Variants in MAD1L1 observed in about 807,000 individuals in gnomAD.
MAD1L1 encodes mitotic spindle assembly checkpoint protein MAD1.
Under a neutral mutation model 96.9 loss-of-function variants are expected in MAD1L1, and 95 were observed. That is an observed-to-expected ratio of 0.98 (90% CI 0.83 to 1.16). The LOEUF is 1.16. MAD1L1 is among the 50% of genes most tolerant of loss of function. The pLI is 0.00. For synonymous variants in MAD1L1, 473 were observed against 396.6 expected, an observed-to-expected ratio of 1.19 and a Z score of -2.29; for missense variants, 1,007 against 954.4, an observed-to-expected ratio of 1.06 and a Z score of -0.73.
intron 11 of MAD1L1, among the ~76,000 whole-genome samples, chr7:2,109,992 G>GA (rs3217101): frequency 0.088 from 13,378 of 152,324 alleles, 1,318 homozygotes; most frequent in African/African-American, 0.24. Flanking sequence ...GCACAGTTGT[G>GA]AGAGTGCAGA....
intron 18 of MAD1L1, among the ~76,000 whole-genome samples, chr7:1,839,964 C>T (rs907519370): frequency 3.9e-5 from 6 of 152,212 alleles, no homozygotes; most frequent in Admixed American, 1.3e-4. Flanking sequence ...TGCTGGAAGA[C>T]GTGCCCAGGC....
At chr7:2,098,789 G>A (rs573811419) in intron 11 of MAD1L1, among the ~76,000 whole-genome samples, 74 of 152,276 alleles carry the variant, frequency 4.9e-4, no homozygotes, top group African/African-American at 1.5e-3. Context: ...CACACCACAC[G>A]CCAGGCATCA....
chr7:1,839,461 G>T (rs1277229705), intron 18 of MAD1L1, among the ~76,000 whole-genome samples: 1 of 151,930 alleles, frequency 6.6e-6, no homozygotes, highest in East Asian at 2.0e-4. Flanking sequence ...GACAAGCTGG[G>T]CCTGGGGCGG....
At chr7:2,017,767 C>T (rs997425805) in intron 12 of MAD1L1, among the ~76,000 whole-genome samples, 28 of 152,162 alleles carry the variant, frequency 1.8e-4, no homozygotes, top group African/African-American at 4.8e-5. Flanking sequence ...CCAAGCATGC[C>T]GATGATTCCC....
intron 12 of MAD1L1, among the ~76,000 whole-genome samples, chr7:2,060,510 C>T (rs184597458): frequency 8.6e-5 from 13 of 151,912 alleles, no homozygotes; most frequent in East Asian, 5.8e-4. Flanking sequence ...ACCGAGATAA[C>T]GCTAATGTCG....
chr7:2,066,479 T>C (rs1393808753), intron 12 of MAD1L1, among the ~76,000 whole-genome samples: 4 of 152,212 alleles, frequency 2.6e-5, no homozygotes, highest in Non-Finnish European at 5.9e-5. Context: ...TGCCCGGCGA[T>C]CAATACCCAC....
chr7:2,095,643 TG>T (rs1562682120), intron 11 of MAD1L1, among the ~76,000 whole-genome samples: 1 of 151,858 alleles, frequency 6.6e-6, no homozygotes, highest in African/African-American at 2.4e-5. Flanking sequence ...CTGGGCAGGG[TG>T]GGGCGAGGCA....
At chr7:1,897,018 G>A (rs1786918250) in intron 18 of MAD1L1, among the ~76,000 whole-genome samples, 1 of 152,244 alleles carries the variant, frequency 6.6e-6, no homozygotes, top group Non-Finnish European at 1.5e-5. Context: ...AAAGGTTTGA[G>A]AGTTTCAAGA....
intron 18 of MAD1L1, among the ~76,000 whole-genome samples, chr7:1,839,989 G>C (rs931851202): frequency 6.6e-6 from 1 of 152,188 alleles, no homozygotes; most frequent in Non-Finnish European, 1.5e-5. Context: ...CAGGACCCCC[G>C]CATTACTGCT....
intron 18 of MAD1L1, among the ~76,000 whole-genome samples, chr7:1,822,318 A>G (rs1782167322): frequency 6.6e-6 from 1 of 151,980 alleles, no homozygotes; most frequent in African/African-American, 2.4e-5. Flanking sequence ...AAAGGAATAA[A>G]AAGAATGTTT....
At chr7:1,888,061 G>A (rs533416822) in intron 18 of MAD1L1, among the ~76,000 whole-genome samples, 6 of 149,148 alleles carry the variant, frequency 4.0e-5, no homozygotes, top group Non-Finnish European at 5.9e-5. Flanking sequence ...GCCTTCATCC[G>A]TGTGGGTGGC....
chr7:1,975,936 G>T (rs764554267), intron 15 of MAD1L1, among the ~76,000 whole-genome samples: 1 of 152,220 alleles, frequency 6.6e-6, no homozygotes, highest in East Asian at 1.9e-4. Context: ...TGAATCTACA[G>T]GCAACATTTA....
chr7:1,855,087 C>CGG, intron 18 of MAD1L1, among the ~76,000 whole-genome samples: 1 of 152,302 alleles, frequency 6.6e-6, no homozygotes, highest in Non-Finnish European at 1.5e-5. Flanking sequence ...CCTTCAGGGT[C>CGG]ACCCTTCCTC....
intron 16 of MAD1L1, among the ~76,000 whole-genome samples, chr7:1,956,051 C>T (rs1307367059): frequency 6.6e-6 from 1 of 152,046 alleles, no homozygotes; most frequent in East Asian, 1.9e-4. Context: ...CAAGCAGGGG[C>T]CTAGTATATC....
intron 16 of MAD1L1, among the ~76,000 whole-genome samples, chr7:1,956,011 C>T (rs980630635): frequency 2.0e-5 from 3 of 151,442 alleles, no homozygotes; most frequent in Admixed American, 6.6e-5. Context: ...CAGGGGGGAG[C>T]GGGAGGCCGA....
chr7:1,904,512 T>C (rs1338256018), intron 17 of MAD1L1, among the ~76,000 whole-genome samples: 2 of 131,166 alleles, frequency 1.5e-5, no homozygotes, highest in Admixed American at 7.2e-5. Flanking sequence ...GAAGATGCTC[T>C]TGCGGAACTC....
Position 1,899,825 on chromosome 7 carries a change from C to T in MAD1L1, c.1808-1435G>A, listed in dbSNP as rs180731549. Among the ~76,000 whole-genome samples the T allele has an allele frequency of 3.8e-3, 584 of 152,286 alleles. 2 individuals carry two copies. The highest frequency in any genetic ancestry group is 0.013 in the African/African-American group (560 of 41,566). ...GCCAGTTTAAGGTGGACGATGCAGT[C>T]CAGGTTGCTTCCTGGAGGTGAGCAG... On this transcript the variant is annotated intron_variant, in intron 17 of 18. Transcript: ENST00000265854.
intron 12 of MAD1L1, 61 bp downstream of exon 12, chr7:2,069,133 C>T: frequency 6.8e-7 from 1 of 1,464,760 alleles, no homozygotes. Flanking sequence ...TCCAGCTAAC[C>T]AGGTGTGCAC....
chr7:2,122,449 C>T (rs535134214), intron 11 of MAD1L1, among the ~76,000 whole-genome samples: 2 of 152,104 alleles, frequency 1.3e-5, no homozygotes, highest in Non-Finnish European at 2.9e-5. Context: ...CACGGACAAA[C>T]CCCGTTACTA....
Sources: gnomAD v4.1 joint callset for allele counts (sites outside exome capture counted in the v4.1 genomes callset) on GRCh38, gnomAD v4.1.1 for gene constraint, MANE v1.5 for transcripts, NCBI Gene and HGNC (gene_info 2026-07-23, HGNC 2026-07-21) for gene names.